The following DMXL1 variants were observed in gnomAD, a reference collection of about 807,000 sequenced individuals.
DMXL1 encodes the protein Dmx like 1, also known as dmX-like protein 1.
A neutral mutation model predicts 319.2 loss-of-function variants in DMXL1; 99 were observed. The observed-to-expected ratio is 0.31, with a 90% CI of 0.26 to 0.37. The LOEUF (loss-of-function observed/expected upper bound fraction) is 0.37. Among genes scored for constraint, DMXL1 ranks in the 10% least tolerant of loss-of-function variants. The probability of loss-of-function intolerance (pLI) is 1.00; values close to 1 mark genes in which losing one functional copy is unlikely to be tolerated. For synonymous variants in DMXL1, 1,385 were observed against 1,235.2 expected (o/e 1.12, Z -2.54); for missense variants, 3,745 against 3,595.6 (o/e 1.04, Z -1.06).
At chr5:119,120,046 A>G (rs1331624039) in intron 8 of DMXL1, among the ~76,000 whole-genome samples, 1 of 151,608 alleles carries the variant, frequency 6.6e-6, no homozygotes, top group Non-Finnish European at 1.5e-5. Context: ...ACGCCTGGCT[A>G]ATTTTTGTAT....
chr5:119,075,012 A>T (rs1314780988), intron 1 of DMXL1, among the ~76,000 whole-genome samples: 1 of 152,190 alleles, frequency 6.6e-6, no homozygotes, highest in Non-Finnish European at 1.5e-5. Flanking sequence ...CTGTAAGTCC[A>T]TGGTTTAGCA....
intron 1 of DMXL1, among the ~76,000 whole-genome samples, chr5:119,073,548 A>G (rs1451102873): frequency 6.6e-6 from 1 of 152,200 alleles, no homozygotes; most frequent in African/African-American, 2.4e-5. Context: ...ATAGATGGTC[A>G]TCCTGTACCA....
At chr5:119,143,724 A>G (rs1284131240) in intron 13 of DMXL1, 117 bp from the exon 14 acceptor site, 3 of 580,276 alleles carry the variant, frequency 5.2e-6, no homozygotes, top group Non-Finnish European at 2.9e-6. Flanking sequence ...GAAAGGGACT[A>G]TATTTAGGCC....
At chr5:119,081,290 G>A (rs1752135701) in intron 1 of DMXL1, among the ~76,000 whole-genome samples, 1 of 152,102 alleles carries the variant, frequency 6.6e-6, no homozygotes, top group African/African-American at 2.4e-5. Context: ...ATGACTTCTT[G>A]GAAGGCCTTA....
chr5:119,245,536 C>G (rs908871581), intron 43 of DMXL1, among the ~76,000 whole-genome samples: 2 of 149,384 alleles, frequency 1.3e-5, no homozygotes, highest in African/African-American at 4.9e-5. Context: ...ATAGTTAAGT[C>G]GGTTCTTTTT....
rs573023462 is a variant in DMXL1, at chr5:119,247,455, GTA to G, written c.*240_*241del. 334 of 357,292 alleles carry G rather than the reference GTA, an allele frequency of 9.3e-4. 1 individual carries two copies. The Middle Eastern group carries it at 0.026, about 27-fold the overall frequency. 22.1% of individuals were successfully genotyped at this position (357,292 alleles called of 1,614,324 possible). ...TAATGCTGTAATAATACATATCATA[GTA>G]TATTATAATCAGTATGTCATAGTGT... On this transcript the variant is annotated 3_prime_UTR_variant, in exon 44 of 44. Transcript: ENST00000539542.
At chr5:119,169,982 C>G (rs1774224122) in intron 23 of DMXL1, among the ~76,000 whole-genome samples, 1 of 152,156 alleles carries the variant, frequency 6.6e-6, no homozygotes, top group Non-Finnish European at 1.5e-5. Context: ...GGGAAAGCAT[C>G]ATAATCTTTG....
At chr5:119,083,318 G>T (rs559649028) in intron 1 of DMXL1, among the ~76,000 whole-genome samples, 1 of 152,114 alleles carries the variant, frequency 6.6e-6, no homozygotes, top group East Asian at 1.9e-4. Flanking sequence ...GCTGCAAATG[G>T]CAGGATTTCA....
At chr5:119,240,576 C>A in intron 42 of DMXL1, 105 bp downstream of exon 42, 1 of 841,914 alleles carries the variant, frequency 1.2e-6, no homozygotes, top group South Asian at 1.7e-5. Context: ...TTTATTAACC[C>A]ATGAGATTTC....
intron 5 of DMXL1, among the ~76,000 whole-genome samples, chr5:119,113,332 C>T (rs1301498182): frequency 6.6e-6 from 1 of 152,108 alleles, no homozygotes; most frequent in African/African-American, 2.4e-5. Context: ...ACCTCTACCT[C>T]CTGGGTTCAA....
chr5:119,219,862 C>T (rs1206198338), intron 35 of DMXL1, among the ~76,000 whole-genome samples: 2 of 152,122 alleles, frequency 1.3e-5, no homozygotes, highest in East Asian at 3.8e-4. Context: ...GCCACTGCCC[C>T]CAGCCAAGAT....
intron 9 of DMXL1, among the ~76,000 whole-genome samples, chr5:119,126,389 T>C (rs748063899): frequency 2.7e-4 from 41 of 152,336 alleles, no homozygotes; most frequent in Admixed American, 5.2e-4. Context: ...TAGCAATTTA[T>C]CCTCATTGAA....
At chr5:119,182,687 TAAC>T (rs1452796370) in intron 28 of DMXL1, among the ~76,000 whole-genome samples, 7 of 152,240 alleles carry the variant, frequency 4.6e-5, no homozygotes, top group Non-Finnish European at 1.0e-4. Flanking sequence ...TCAAAATTCT[TAAC>T]AAAAATGTTA....
chr5:119,213,995 T>G lies in DMXL1; in HGVS notation c.7927-2906T>G, dbSNP rs569508125. Among the ~76,000 whole-genome samples the G allele has an allele frequency of 8.5e-5, 13 of 152,328 alleles. No homozygotes were observed. The East Asian group carries it at 2.5e-3, about 29-fold the overall frequency. On this transcript the variant is annotated intron_variant, in intron 34 of 43. Transcript: ENST00000539542. The stretch of plus-strand genomic sequence containing the variant: ...TTTTTCCCATCCTTGAAATATTGGT[T>G]GCCCCAGAATTCAGTTCTCTAACTT...
At position 119,149,536 on chromosome 5, in the gene DMXL1, G is replaced by A. The variant is rs1769308432; in HGVS notation, c.3709G>A (p.Val1237Met). Residue 1237 changes from valine (V) to methionine (M), a missense_variant, in exon 18 of 44, where the codon GTG (valine) becomes ATG (methionine). This residue lies in a region of DMXL1 where 2,096 missense variants were observed against 1,985.4 expected (regional missense o/e 1.06). Transcript: ENST00000539542. The stretch of plus-strand genomic sequence containing the variant: ...GGTAGGAATGGACTGTGAAATGCAT[G>A]TGTATTGCCAATGGCAACCATCTTC... The part of the protein sequence containing the change: ...LVVGMDCEMH[V>M]YCQWQPSSKQ... The A allele has an allele frequency of 1.9e-6, 3 of 1,613,818 alleles. No individual in the cohort carries two copies. The highest frequency in any genetic ancestry group is 1.7e-6 in the Non-Finnish European group (2 of 1,179,920).
chr5:119,237,654 G>T (rs570940626), intron 40 of DMXL1, among the ~76,000 whole-genome samples: 51 of 152,086 alleles, frequency 3.4e-4, no homozygotes, highest in African/African-American at 1.2e-3. Context: ...GATACCCCCA[G>T]ATACCTATAC....
chr5:119,233,230 TAA>T (rs548499007), intron 38 of DMXL1, 108 bp from the exon 39 acceptor site: 76 of 1,097,456 alleles, frequency 6.9e-5, no homozygotes, highest in Middle Eastern at 2.2e-4. Flanking sequence ...TAAATTTATA[TAA>T]GTTGATTTAG....
chr5:119,147,547 A>G, intron 17 of DMXL1, 77 bp downstream of exon 17: 3 of 947,338 alleles, frequency 3.2e-6, no homozygotes, highest in South Asian at 1.5e-5. Flanking sequence ...AGGTGCTGCA[A>G]CTATCTCTTA....
In DMXL1 at chr5:119,110,330, G is replaced by A. The variant is rs938891968; in HGVS notation, c.497+47G>A. On this transcript the variant is annotated intron_variant, in intron 5 of 43. Coordinates refer to ENST00000539542, the MANE Select transcript of DMXL1 (RefSeq NM_001290321.3). The stretch of plus-strand genomic sequence containing the variant: ...TAAACTGATAAACCTGTTGTTCTAT[G>A]TGGTTTTATTATAAATGTATTTTAG... 3.6e-5 allele frequency: 53 copies of A among 1,455,062 alleles called. 1 individual carries two copies. The highest frequency in any genetic ancestry group is 4.8e-5 in the Non-Finnish European group (53 of 1,103,798). 90.1% of individuals were successfully genotyped at this position (1,455,062 alleles called of 1,614,324 possible).
Sources: allele counts gnomAD v4.1 joint callset (sites outside exome capture counted in the v4.1 genomes callset), GRCh38; gene constraint gnomAD v4.1.1; regional missense constraint gnomAD v4.1.1; transcripts MANE v1.5; gene names NCBI Gene and HGNC (gene_info 2026-07-23, HGNC 2026-07-21).